Variants in SYN3 observed in about 807,000 individuals in gnomAD.
SYN3 encodes the protein synapsin III.
Under a neutral mutation model 65.8 loss-of-function variants are expected in SYN3, and 35 were observed. The observed-to-expected ratio is 0.53, with a 90% confidence interval of 0.41 to 0.70. The LOEUF (loss-of-function observed/expected upper bound fraction) is 0.70, where lower values mean the gene tolerates loss of function less well. Among genes scored for constraint, SYN3 ranks in the 30% least tolerant of loss-of-function variants. The pLI is 0.00. For synonymous variants in SYN3, 270 were observed against 292.9 expected (o/e 0.92, Z 0.80); for missense variants, 680 against 749.0 (o/e 0.91, Z 1.08).
chr22:32,650,946 A>C (rs1425210957), intron 6 of SYN3, among the ~76,000 whole-genome samples: 1 of 152,180 alleles, frequency 6.6e-6, no homozygotes, highest in Admixed American at 6.5e-5. Flanking sequence ...CTTAGAGAGG[A>C]AAGTCTTTGT....
chr22:32,962,277 A>T (rs984948419), intron 3 of SYN3, among the ~76,000 whole-genome samples: 2 of 151,602 alleles, frequency 1.3e-5, no homozygotes, highest in Admixed American at 1.3e-4. Flanking sequence ...CTGGGTCTAC[A>T]GGCGCCTGCC....
intron 3 of SYN3, among the ~76,000 whole-genome samples, chr22:32,948,935 A>G (rs1381642197): frequency 2.0e-5 from 3 of 151,544 alleles, no homozygotes; most frequent in Non-Finnish European, 4.4e-5. Flanking sequence ...TCAGAAGGAG[A>G]TACAGGTTGA....
intron 1 of SYN3, among the ~76,000 whole-genome samples, chr22:33,017,490 C>A (rs2053487531): frequency 6.6e-6 from 1 of 152,192 alleles, no homozygotes; most frequent in Non-Finnish European, 1.5e-5. Context: ...TATCATTCTT[C>A]CAATCCGTGA....
At chr22:32,656,383 G>A (rs1392039084) in intron 6 of SYN3, among the ~76,000 whole-genome samples, 1 of 152,312 alleles carries the variant, frequency 6.6e-6, no homozygotes, top group East Asian at 1.9e-4. Flanking sequence ...GCGACATGAT[G>A]TATATCAAGT....
At chr22:33,051,837 G>C (rs1261187368) in intron 1 of SYN3, among the ~76,000 whole-genome samples, 1 of 152,138 alleles carries the variant, frequency 6.6e-6, no homozygotes, top group Admixed American at 6.5e-5. Context: ...ATATAAGGAG[G>C]AACCAGATTA....
intron 6 of SYN3, among the ~76,000 whole-genome samples, chr22:32,797,228 G>T (rs2046450946): frequency 6.6e-6 from 1 of 152,170 alleles, no homozygotes; most frequent in South Asian, 2.1e-4. Flanking sequence ...CCACCTGCCT[G>T]TCTGAATGCT....
At chr22:32,597,818 T>G (rs2059223964) in intron 6 of SYN3, among the ~76,000 whole-genome samples, 1 of 152,058 alleles carries the variant, frequency 6.6e-6, no homozygotes, top group Admixed American at 6.6e-5. Context: ...ATCAGGCCCC[T>G]CAGCAAGACC....
intron 2 of SYN3, among the ~76,000 whole-genome samples, chr22:33,004,552 A>G (rs765042264): frequency 2.0e-5 from 3 of 152,206 alleles, no homozygotes; most frequent in Non-Finnish European, 4.4e-5. Flanking sequence ...TTTAAGATTT[A>G]ATTACTGCCT....
intron 6 of SYN3, among the ~76,000 whole-genome samples, chr22:32,855,808 A>G (rs2048347150): frequency 6.6e-6 from 1 of 152,174 alleles, no homozygotes; most frequent in South Asian, 2.1e-4. Flanking sequence ...GGGGGGCAAA[A>G]TTGCCTCCAG....
intron 3 of SYN3, among the ~76,000 whole-genome samples, chr22:32,976,322 C>T (rs1210637880): frequency 2.0e-5 from 3 of 152,176 alleles, no homozygotes; most frequent in African/African-American, 7.2e-5. Context: ...TTGCCTTTTG[C>T]TCCACCTGCT....
intron 6 of SYN3, among the ~76,000 whole-genome samples, chr22:32,748,840 T>A (rs2045021924): frequency 6.6e-6 from 1 of 152,160 alleles, no homozygotes; most frequent in African/African-American, 2.4e-5. Context: ...GTGGCCTCTG[T>A]CTCCCTCGGC....
chr22:32,569,265 A>ATCTATCTG (rs1555898439), intron 7 of SYN3, among the ~76,000 whole-genome samples: 3 of 140,200 alleles, frequency 2.1e-5, no homozygotes, highest in South Asian at 4.7e-4. Context: ...AAATCTATCT[A>ATCTATCTG]TCTATCTATC....
At position 32,518,211 on chromosome 22, in the gene SYN3, G is replaced by A; in HGVS notation, c.1442C>T (p.Ser481Leu). 1 of 1,614,020 alleles carries A rather than the reference G, an allele frequency of 6.2e-7. No homozygotes were observed. The highest frequency in any genetic ancestry group is 8.5e-7 in the Non-Finnish European group (1 of 1,180,008). Reference protein sequence around the residue: ...PQSGSPQQQRSPGSPQLSRAS... With the variant: ...PQSGSPQQQRLPGSPQLSRAS... Reference sequence around the variant, plus strand: ...CCGGGATAGCTGCGGAGAGCCTGGTGACCTTTGCTGCTGTGGAGATCCGGA... The same window carrying A: ...CCGGGATAGCTGCGGAGAGCCTGGTAACCTTTGCTGCTGTGGAGATCCGGA... The change falls in exon 13 of 14, where the codon TCA becomes TTA. Residue 481 changes from serine to leucine, a missense_variant. Physicochemically the swap from Ser to Leu is moderately radical, Grantham distance 145. Transcript: ENST00000358763.
At chr22:32,613,671 A>C (rs894328685) in intron 6 of SYN3, among the ~76,000 whole-genome samples, 1 of 152,204 alleles carries the variant, frequency 6.6e-6, no homozygotes, top group East Asian at 1.9e-4. Context: ...AGGCACACAG[A>C]TTGCCGAGAG....
chr22:33,022,934 G>A (rs772393219), intron 1 of SYN3, among the ~76,000 whole-genome samples: 7 of 152,098 alleles, frequency 4.6e-5, no homozygotes, highest in Non-Finnish European at 1.0e-4. Flanking sequence ...ATTTATTTAC[G>A]AACAGAATTT....
chr22:32,535,323 C>T (rs895935611), intron 9 of SYN3, among the ~76,000 whole-genome samples: 1 of 152,182 alleles, frequency 6.6e-6, no homozygotes, highest in African/African-American at 2.4e-5. Flanking sequence ...AATGGGAAAG[C>T]CTAGATCTGA....
intron 1 of SYN3, among the ~76,000 whole-genome samples, chr22:33,015,840 C>CTTTTTTTTTTTTTT (rs758927603): frequency 2.1e-5 from 3 of 139,984 alleles, no homozygotes; most frequent in Non-Finnish European, 1.5e-5. Context: ...GGCAAATTTT[C>CTTTTTTTTTTTTTT]TTTTCTTTTT....
At chr22:32,940,797 C>A (rs1398153225) in intron 3 of SYN3, among the ~76,000 whole-genome samples, 1 of 152,158 alleles carries the variant, frequency 6.6e-6, no homozygotes, top group Non-Finnish European at 1.5e-5. Flanking sequence ...GTATAATATT[C>A]TAAGACAGAA....
chr22:32,967,119 G>A (rs1009975298), intron 3 of SYN3, among the ~76,000 whole-genome samples: 3 of 152,054 alleles, frequency 2.0e-5, no homozygotes, highest in South Asian at 2.1e-4. Context: ...AATGCTTAGC[G>A]TGTGCCTGAC....
Sources: allele counts gnomAD v4.1 joint callset (sites outside exome capture counted in the v4.1 genomes callset), GRCh38; gene constraint gnomAD v4.1.1; transcripts MANE v1.5; gene names NCBI Gene and HGNC (gene_info 2026-07-23, HGNC 2026-07-21).